The following FBXO10 variants were observed in gnomAD, a reference collection of about 807,000 sequenced individuals.
FBXO10 encodes F-box only protein 10.
In FBXO10, 39 loss-of-function variants were observed where a neutral mutation model predicts 80.7. That is an observed-to-expected ratio of 0.48 (90% confidence interval 0.37 to 0.63). The LOEUF is 0.63. Ranked by LOEUF, FBXO10 falls within the 30% of genes least tolerant of loss-of-function variation. FBXO10 has a pLI of 0.00. For synonymous variants in FBXO10, 449 were observed against 489.6 expected (o/e 0.92, Z 1.09); for missense variants, 1,025 against 1,269.0 (o/e 0.81, Z 2.92).
At position 37,525,828 on chromosome 9, in the gene FBXO10, C is replaced by T. The variant is rs564968756; in HGVS notation, c.1707-656G>A. 1.6e-3 allele frequency among the ~76,000 whole-genome samples: 236 copies of T among 152,142 alleles called. 4 individuals carry two copies. Among genetic ancestry groups the T allele is most frequent in the Admixed American group, 2.6e-4 (4 of 15,276 alleles). ...TGCTGGGATTACAGGCATGAGCCAC[C>T]GCGCCTGGCCTTATATGTATTTTAT... On this transcript the variant is annotated intron_variant, in intron 5 of 10. Transcript: ENST00000432825.
chr9:37,527,653 C>T (rs546937597), intron 5 of FBXO10, among the ~76,000 whole-genome samples: 2 of 152,296 alleles, frequency 1.3e-5, no homozygotes, highest in African/African-American at 4.8e-5. Context: ...AGTCTTCCAT[C>T]ATGGCTGTGT....
chr9:37,561,090 C>A (rs1253359259), intron 1 of FBXO10, among the ~76,000 whole-genome samples: 2 of 151,554 alleles, frequency 1.3e-5, no homozygotes, highest in East Asian at 1.9e-4. Context: ...TGCAGTGAGC[C>A]GAGATCGTGC....
chr9:37,550,662 A>G (rs895110376), intron 1 of FBXO10, among the ~76,000 whole-genome samples: 7 of 148,520 alleles, frequency 4.7e-5, no homozygotes, highest in Non-Finnish European at 1.0e-4. Flanking sequence ...TAGTTTTTGT[A>G]GAGATGGGGT....
chr9:37,541,347 T>A lies in FBXO10; in HGVS notation c.422A>T (p.Tyr141Phe). The change falls in exon 2 of 11, where the codon TAC becomes TTC. Residue 141 changes from tyrosine (Y) to phenylalanine (F), a missense_variant. Tyr to Phe is a conservative substitution (Grantham distance 22). Transcript: ENST00000432825. ...CAAGATGATTTCACCTTGCTCTTCG[T>A]ACACACCTGGGAAGAGCACAATTCG... is the stretch of plus-strand genomic sequence containing the variant. ...YDRIVLFPGV[Y>F]EEQGEIILKV... 1 of 1,614,004 alleles carries A rather than the reference T, an allele frequency of 6.2e-7. No individual in the cohort carries two copies. The highest frequency in any genetic ancestry group is 8.5e-7 in the Non-Finnish European group (1 of 1,179,884).
chr9:37,558,800 GA>G (rs1379089754), intron 1 of FBXO10, among the ~76,000 whole-genome samples: 1 of 147,216 alleles, frequency 6.8e-6, no homozygotes, highest in African/African-American at 2.5e-5. Context: ...TAGAGATCAA[GA>G]AGAAAGAAAA....
chr9:37,527,432 C>T (rs979710419), intron 5 of FBXO10, among the ~76,000 whole-genome samples: 15 of 152,338 alleles, frequency 9.8e-5, no homozygotes, highest in African/African-American at 3.6e-4. Flanking sequence ...TCTGGTATCT[C>T]GTGTCCAAAC....
Position 37,518,427 on chromosome 9 carries a change from A to G in FBXO10, c.2212T>C (p.Tyr738His). The G allele has an allele frequency of 2.5e-6, 4 of 1,597,770 alleles. No homozygotes were observed. Among genetic ancestry groups the G allele is most frequent in the Non-Finnish European group, 2.6e-6 (3 of 1,170,774 alleles). Residue 738 changes from tyrosine (Y) to histidine (H), a missense_variant, in exon 9 of 11, where the codon TAT (tyrosine) becomes CAT (histidine). Around this residue, in one of 3 missense-constraint regions of FBXO10, gnomAD observed 478 missense variants for 667.8 expected, o/e 0.72. Coordinates refer to ENST00000432825, the MANE Select transcript of FBXO10 (RefSeq NM_012166.3). The part of the protein sequence containing the change: ...SINHNGASGL[Y>H]VQSSEALHVI... Reference sequence around the variant, plus strand: ...TGCAGTGCCTCGCTGCTCTGGACATAGAGTCCTGAGGCTATGGGTGGAAGG... The same window carrying G: ...TGCAGTGCCTCGCTGCTCTGGACATGGAGTCCTGAGGCTATGGGTGGAAGG...
intron 1 of FBXO10, among the ~76,000 whole-genome samples, chr9:37,564,560 A>G (rs1462931113): frequency 6.6e-6 from 1 of 152,236 alleles, no homozygotes; most frequent in Non-Finnish European, 1.5e-5. Context: ...GGAGCTGCCC[A>G]AGGCTGGGAG....
Position 37,512,445 on chromosome 9 carries a change from G to T in FBXO10, c.*102C>A. 6.6e-6 allele frequency: 9 copies of T among 1,360,944 alleles called. No individual in the cohort carries two copies. The highest frequency in any genetic ancestry group is 9.1e-6 in the Non-Finnish European group (9 of 991,542). 84.3% of individuals were successfully genotyped at this position (1,360,944 alleles called of 1,614,324 possible). ...TGTTTTGGAGGCCCGGGACCCATTTGTTCGAGGGGGAGGGGGAGGGGCGGA... is the reference window on the plus strand; with the variant it reads ...TGTTTTGGAGGCCCGGGACCCATTTTTTCGAGGGGGAGGGGGAGGGGCGGA... On this transcript the variant is annotated 3_prime_UTR_variant, in exon 11 of 11. Transcript: ENST00000432825.
intron 1 of FBXO10, among the ~76,000 whole-genome samples, chr9:37,562,789 A>T (rs1460098277): frequency 5.3e-5 from 8 of 152,224 alleles, no homozygotes; most frequent in African/African-American, 1.9e-4. Flanking sequence ...TGTATTCAAC[A>T]CTTGCTGTGT....
chr9:37,540,408 C>A (rs987820824), intron 2 of FBXO10, among the ~76,000 whole-genome samples: 1 of 152,008 alleles, frequency 6.6e-6, no homozygotes, highest in Non-Finnish European at 1.5e-5. Flanking sequence ...AACTCCTGAC[C>A]TCAGGTGATC....
chr9:37,532,025 G>A lies in FBXO10; in HGVS notation c.1453C>T (p.Arg485Ter), dbSNP rs867210225. 1.9e-6 allele frequency: 3 copies of A among 1,613,802 alleles called. No homozygotes were observed. Among genetic ancestry groups the A allele is most frequent in the South Asian group, 1.1e-5 (1 of 91,062 alleles). The change falls in exon 4 of 11, where the codon CGA (arginine) becomes TGA (stop). Residue 485 changes from arginine to a stop codon, truncating the protein, a stop_gained. Transcript: ENST00000432825. LOFTEE classifies it high-confidence loss of function. ...AAGCGAAGAAAGATGCCTGACGCTC[G>A]GCAGCGGTAAATGTCGTTCCTGAGC... is the stretch of plus-strand genomic sequence containing the variant. Reference protein sequence around the residue: ...IMLRNDIYRCRASGIFLRLEG... With the variant: ...IMLRNDIYRC
chr9:37,518,100 G>C, intron 9 of FBXO10, 25 bp downstream of exon 9: 1 of 1,590,740 alleles, frequency 6.3e-7, no homozygotes, highest in Non-Finnish European at 8.6e-7. Flanking sequence ...GGCACCACAC[G>C]TCACACACAT....
At chr9:37,535,517 A>AT (rs893067313) in intron 3 of FBXO10, among the ~76,000 whole-genome samples, 214 of 148,174 alleles carry the variant, frequency 1.4e-3, no homozygotes, top group African/African-American at 3.4e-3. Context: ...ATGCCTGGCT[A>AT]TTTTTTTTTT....
At chr9:37,536,168 T>G (rs1369203881) in intron 3 of FBXO10, 1 of 152,230 alleles carries the variant, frequency 6.6e-6, no homozygotes, top group Non-Finnish European at 1.5e-5. Flanking sequence ...GCAACACTCA[T>G]GAGTGACCTT....
At chr9:37,558,562 A>T (rs749986166) in intron 1 of FBXO10, among the ~76,000 whole-genome samples, 2 of 152,170 alleles carry the variant, frequency 1.3e-5, no homozygotes, top group African/African-American at 4.8e-5. Flanking sequence ...TAATTCACTT[A>T]CAGAGAATAC....
intron 1 of FBXO10, among the ~76,000 whole-genome samples, chr9:37,560,115 ACT>A (rs1480239078): frequency 1.3e-5 from 2 of 152,198 alleles, no homozygotes; most frequent in African/African-American, 4.8e-5. Flanking sequence ...AGAAGCTTGT[ACT>A]GTCTATTATA....
chr9:37,541,830 C>T, intron 1 of FBXO10, 56 bp from the exon 2 acceptor site: 1 of 1,409,906 alleles, frequency 7.1e-7, no homozygotes, highest in Non-Finnish European at 9.6e-7. Context: ...TACCAGTCCC[C>T]CTTTTTTATT....
intron 1 of FBXO10, among the ~76,000 whole-genome samples, chr9:37,543,069 G>A (rs895002826): frequency 6.6e-6 from 1 of 152,122 alleles, no homozygotes; most frequent in Non-Finnish European, 1.5e-5. Context: ...TCCCCACGTG[G>A]GGCAGCCCCA....
Sources: gnomAD v4.1 joint callset for allele counts (sites outside exome capture counted in the v4.1 genomes callset) on GRCh38, gnomAD v4.1.1 for gene constraint, gnomAD v4.1.1 regional missense constraint, MANE v1.5 for transcripts, NCBI Gene and HGNC (gene_info 2026-07-23, HGNC 2026-07-21) for gene names.